The following CIZ1 variants were observed in gnomAD, a reference collection of about 807,000 sequenced individuals.
The protein encoded by CIZ1 is cip1-interacting zinc finger protein.
A neutral mutation model predicts 118.6 loss-of-function variants in CIZ1; 58 were observed. That is an observed-to-expected ratio of 0.49 (90% CI 0.40 to 0.61). The LOEUF is 0.61. CIZ1 is among the 20% of genes least tolerant of loss of function. The probability of loss-of-function intolerance (pLI) is 0.00; values close to 1 mark genes in which losing one functional copy is unlikely to be tolerated. For synonymous variants in CIZ1, 448 were observed against 443.4 expected (o/e 1.01, Z -0.13); for missense variants, 921 against 1,115.9 (o/e 0.83, Z 2.49).
intron 10 of CIZ1, 113 bp downstream of exon 10, chr9:128,177,453 A>G: frequency 1.4e-6 from 1 of 720,548 alleles, no homozygotes. Context: ...TCCCAAGCAA[A>G]TGCATGGCTG....
chr9:128,172,267 C>T (rs1443781710), intron 11 of CIZ1, among the ~76,000 whole-genome samples: 5 of 151,868 alleles, frequency 3.3e-5, no homozygotes, highest in African/African-American at 7.3e-5. Flanking sequence ...CCAAGGCAGG[C>T]GGATCACTGA....
At chr9:128,175,402 G>A (rs913832215) in intron 11 of CIZ1, among the ~76,000 whole-genome samples, 1 of 151,800 alleles carries the variant, frequency 6.6e-6, no homozygotes, top group Non-Finnish European at 1.5e-5. Flanking sequence ...AACCACTCAA[G>A]GACGCTCTTC....
At chr9:128,168,984 T>A in intron 14 of CIZ1, 68 bp downstream of exon 14, 1 of 1,598,738 alleles carries the variant, frequency 6.3e-7, no homozygotes. Context: ...CTCCGGGAGG[T>A]GGGATGAGGT....
upstream of CIZ1, among the ~76,000 whole-genome samples, chr9:128,195,592 A>G (rs1833357442): frequency 6.6e-6 from 1 of 152,082 alleles, no homozygotes; most frequent in Admixed American, 6.5e-5. Context: ...TGCTGGGATT[A>G]CAAGCGTGAG....
intron 5 of CIZ1, among the ~76,000 whole-genome samples, chr9:128,184,551 A>G (rs1387536084): frequency 1.5e-5 from 2 of 132,616 alleles, no homozygotes; most frequent in Admixed American, 8.8e-5. Context: ...GGAGTGCAGT[A>G]GTGTGATCAT....
Position 128,176,400 on chromosome 9 carries a change from G to T in CIZ1, c.1894C>A (p.Leu632Ile). Residue 632 changes from leucine (L) to isoleucine (I), a missense_variant, in exon 11 of 17, where the codon CTC (leucine) becomes ATC (isoleucine). Coordinates refer to ENST00000372938, the MANE Select transcript of CIZ1 (RefSeq NM_001131016.2). Reference sequence around the variant, plus strand: ...CGGGGCACGGGCAGCAGGGACAGGAGGCAGGCTTGGCTCATGTGCTGGATC... The same window carrying T: ...CGGGGCACGGGCAGCAGGGACAGGATGCAGGCTTGGCTCATGTGCTGGATC... ...GEIQHMSQAC[L>I]LSLLPVPRDV... 1 of 1,614,110 alleles carries T rather than the reference G, an allele frequency of 6.2e-7. No homozygotes were observed. The highest frequency in any genetic ancestry group is 1.1e-5 in the South Asian group (1 of 91,090).
At chr9:128,167,070 G>T in intron 15 of CIZ1, 25 bp downstream of exon 15, 4 of 1,587,468 alleles carry the variant, frequency 2.5e-6, no homozygotes, top group Non-Finnish European at 3.4e-6. Flanking sequence ...AGCTCCTGCA[G>T]GTGGGCTCAG....
At chr9:128,182,340 G>A (rs1363937046) in intron 5 of CIZ1, among the ~76,000 whole-genome samples, 1 of 152,130 alleles carries the variant, frequency 6.6e-6, no homozygotes, top group Non-Finnish European at 1.5e-5. Flanking sequence ...CGACCCTGTG[G>A]GGCTGGTCCC....
upstream of CIZ1, among the ~76,000 whole-genome samples, chr9:128,196,237 C>T (rs907533432): frequency 1.3e-5 from 2 of 152,056 alleles, no homozygotes; most frequent in African/African-American, 2.4e-5. Context: ...CTTTACCCCC[C>T]GTTTTTCAGT....
chr9:128,188,089 ATT>A (rs1413816644), intron 3 of CIZ1, among the ~76,000 whole-genome samples, 155 bp from the exon 4 acceptor site: 109 of 125,020 alleles, frequency 8.7e-4, no homozygotes, highest in Non-Finnish European at 1.4e-3. Context: ...AAAACAAAAA[ATT>A]AAAAAAAGCA....
upstream of CIZ1, among the ~76,000 whole-genome samples, chr9:128,193,255 T>G (rs1349025712): frequency 6.6e-6 from 1 of 152,104 alleles, no homozygotes; most frequent in Non-Finnish European, 1.5e-5. Context: ...GGGTGGGGAC[T>G]TCGAATGCTG....
At chr9:128,176,085 T>C (rs931097838) in intron 11 of CIZ1, among the ~76,000 whole-genome samples, 3 of 152,206 alleles carry the variant, frequency 2.0e-5, no homozygotes, top group African/African-American at 7.2e-5. Context: ...TGCCACAACC[T>C]GTCCTCTCCC....
intron 1 of CIZ1, among the ~76,000 whole-genome samples, chr9:128,201,314 G>T (rs1395577450): frequency 6.6e-6 from 1 of 151,806 alleles, no homozygotes; most frequent in Admixed American, 6.6e-5. Flanking sequence ...GCTAGGAGTG[G>T]TGGCACGTGC....
In CIZ1 at chr9:128,169,476, C is replaced by T. The variant is rs371281592; in HGVS notation, c.2075G>A (p.Arg692His). ...AAACTTGCGAGGGGTTTTGAAGTAG[C>T]GGTTGCAAACGGTGCAGAAGGGTCG... Reference protein sequence around the residue: ...SLRPFCTVCNRYFKTPRKFVE... With the variant: ...SLRPFCTVCNHYFKTPRKFVE... Residue 692 changes from arginine to histidine, a missense_variant, in exon 13 of 17, where the codon CGC (arginine) becomes CAC (histidine). Coordinates refer to ENST00000372938, the MANE Select transcript of CIZ1 (RefSeq NM_001131016.2). The T allele has an allele frequency of 1.4e-5, 23 of 1,614,016 alleles. No individual in the cohort carries two copies. The highest frequency in any genetic ancestry group is 1.6e-4 in the Middle Eastern group (1 of 6,084).
chr9:128,187,997 A>C, intron 3 of CIZ1, 63 bp from the exon 4 acceptor site: 1 of 615,686 alleles, frequency 1.6e-6, no homozygotes, highest in Non-Finnish European at 3.1e-6. Flanking sequence ...CCCCTGACTC[A>C]GTGAGAAAAC....
intron 5 of CIZ1, 128 bp from the exon 6 acceptor site, chr9:128,180,942 C>A: frequency 1.5e-6 from 1 of 689,650 alleles, no homozygotes; most frequent in East Asian, 2.6e-5. Context: ...GGGCCTGGCC[C>A]CAGAGTTGCC....
chr9:128,185,107 C>T (rs1475202920), intron 5 of CIZ1, among the ~76,000 whole-genome samples: 1 of 152,006 alleles, frequency 6.6e-6, no homozygotes, highest in African/African-American at 2.4e-5. Flanking sequence ...GGAGAAACCC[C>T]GTCTTTACTA....
At position 128,202,021 on chromosome 9, in the gene CIZ1, C is replaced by A. The variant is rs141637357; in HGVS notation, c.-6+2165G>T. On this transcript the variant is annotated intron_variant, in intron 1 of 17. Transcript: ENST00000372948. ...AGGGCACGCCATCTAACAGGGCCAT[C>A]GTTATTGCCCTATTTGCATATTGTC... Among the ~76,000 whole-genome samples, 63 of 152,318 alleles carry A rather than the reference C, an allele frequency of 4.1e-4. No individual in the cohort carries two copies. The East Asian group carries it at 0.011, about 26-fold the overall frequency.
In CIZ1 at chr9:128,203,751, GC is replaced by G. The variant is rs1833645819; in HGVS notation, c.-6+434del. 1.8e-5 allele frequency: 17 copies of G among 930,586 alleles called. No homozygotes were observed. Among genetic ancestry groups the G allele is most frequent in the South Asian group, 3.9e-5 (1 of 25,648 alleles). 57.6% of individuals were successfully genotyped at this position (930,586 alleles called of 1,614,324 possible). On this transcript the variant is annotated intron_variant, in intron 1 of 17. Transcript: ENST00000372948. The surrounding 1 kb of genome is among the most constrained non-coding windows in gnomAD (Gnocchi z 5.3). The stretch of plus-strand genomic sequence containing the variant: ...CCGACGCTGCACCCGCGGCCGGCGC[GC>G]CCCCCACCCCCAGCCGGAGCGAGGA...
Sources: gnomAD v4.1 joint callset for allele counts (sites outside exome capture counted in the v4.1 genomes callset) on GRCh38, gnomAD v4.1.1 for gene constraint, Gnocchi (gnomAD v3.1) non-coding constraint, MANE v1.5 for transcripts, NCBI Gene and HGNC (gene_info 2026-07-23, HGNC 2026-07-21) for gene names.